Variants in RELN observed in about 807,000 individuals in gnomAD.
RELN encodes reelin.
A neutral mutation model predicts 427.6 loss-of-function variants in RELN; 108 were observed. That is an observed-to-expected ratio of 0.25 (90% confidence interval 0.22 to 0.30). The LOEUF is 0.30. RELN is among the 10% of genes least tolerant of loss of function. The pLI is 1.00. For synonymous variants in RELN, 1,524 were observed against 1,513.4 expected, an observed-to-expected ratio of 1.01 and a Z score of -0.16; for missense variants, 3,715 against 4,302.8, an observed-to-expected ratio of 0.86 and a Z score of 3.82.
intron 6 of RELN, among the ~76,000 whole-genome samples, chr7:103,748,862 C>A (rs1397548214): frequency 6.6e-6 from 1 of 152,112 alleles, no homozygotes; most frequent in East Asian, 1.9e-4. Flanking sequence ...GTCGATAGAC[C>A]TATTTCTTCA....
chr7:103,922,927 A>T (rs1563093248), intron 1 of RELN, among the ~76,000 whole-genome samples: 7 of 150,530 alleles, frequency 4.7e-5, no homozygotes, highest in Non-Finnish European at 7.4e-5. Context: ...TGATGTTCCC[A>T]TTTTTTTTTC....
chr7:103,590,690 T>C (rs562218864), intron 27 of RELN, among the ~76,000 whole-genome samples: 75 of 152,316 alleles, frequency 4.9e-4, no homozygotes, highest in African/African-American at 1.7e-3. Flanking sequence ...ATGAAACTGT[T>C]ACTGTTTGGT....
At chr7:103,930,844 G>A (rs1469923854) in intron 1 of RELN, among the ~76,000 whole-genome samples, 1 of 149,104 alleles carries the variant, frequency 6.7e-6, no homozygotes, top group Non-Finnish European at 1.5e-5. Flanking sequence ...AAGCATTCAA[G>A]TTATGCTTCT....
intron 11 of RELN, among the ~76,000 whole-genome samples, chr7:103,675,527 GA>G (rs1219748045): frequency 6.6e-6 from 1 of 152,040 alleles, no homozygotes; most frequent in African/African-American, 2.4e-5. Context: ...CACAGAATTG[GA>G]AAAAACTACT....
chr7:103,702,707 T>A (rs1348569830), intron 8 of RELN, among the ~76,000 whole-genome samples: 1 of 152,158 alleles, frequency 6.6e-6, no homozygotes, highest in African/African-American at 2.4e-5. Context: ...TCTAAAACAT[T>A]AGTTTTTGTT....
intron 3 of RELN, among the ~76,000 whole-genome samples, chr7:103,812,005 G>A (rs1327172642): frequency 6.6e-6 from 1 of 152,158 alleles, no homozygotes; most frequent in Non-Finnish European, 1.5e-5. Context: ...TTATTCAAAT[G>A]GCTTTGCCTT....
rs201735865 is a variant in RELN, at chr7:103,650,352, C to T, written c.1924G>A (p.Ala642Thr). The T allele has an allele frequency of 1.2e-5, 19 of 1,612,706 alleles. No individual in the cohort carries two copies. The highest frequency in any genetic ancestry group is 1.4e-5 in the Non-Finnish European group (16 of 1,179,092). Residue 642 changes from alanine to threonine, a missense_variant, in exon 16 of 65, where the codon GCA becomes ACA. Physicochemically the swap from Ala to Thr is moderately conservative, Grantham distance 58. Around this residue, in one of 4 missense-constraint regions of RELN, gnomAD observed 2,208 missense variants for 2,361.7 expected, o/e 0.93. Coordinates refer to ENST00000428762, the MANE Select transcript of RELN (RefSeq NM_005045.4). ...ATCCTGGTGTTCCGGGTTAGTGCTG[C>T]GTTAGGAAGGGGAATTGTTATTCGG... ...WNRITIPLPNAALTRNTRIRW... is the reference protein window; with the variant it reads ...WNRITIPLPNTALTRNTRIRW...
intron 10 of RELN, among the ~76,000 whole-genome samples, chr7:103,682,509 A>T (rs574228838): frequency 6.6e-6 from 1 of 152,218 alleles, no homozygotes; most frequent in Non-Finnish European, 1.5e-5. Flanking sequence ...CTCTGTCTTC[A>T]GTATGAAACA....
chr7:103,586,732 C>T (rs999743106), intron 28 of RELN, among the ~76,000 whole-genome samples: 2 of 152,138 alleles, frequency 1.3e-5, no homozygotes, highest in East Asian at 1.9e-4. Context: ...CATTTCTATA[C>T]ACCAGTAACA....
At chr7:103,722,063 T>C (rs979394189) in intron 8 of RELN, among the ~76,000 whole-genome samples, 1 of 152,322 alleles carries the variant, frequency 6.6e-6, no homozygotes, top group Non-Finnish European at 1.5e-5. Context: ...TGATCACACA[T>C]GGACTTCTGA....
chr7:103,861,928 G>C (rs1794079829), intron 2 of RELN, among the ~76,000 whole-genome samples: 1 of 152,078 alleles, frequency 6.6e-6, no homozygotes. Context: ...TTTGGTCTTT[G>C]GAGGATGTTT....
chr7:103,797,479 T>C (rs1792336281), intron 3 of RELN, among the ~76,000 whole-genome samples: 3 of 152,262 alleles, frequency 2.0e-5, no homozygotes, highest in Admixed American at 6.5e-5. Flanking sequence ...AGTTCACAAA[T>C]GCTTTTCACC....
chr7:103,473,276 C>A (rs1827919024), intron 64 of RELN, among the ~76,000 whole-genome samples: 1 of 152,192 alleles, frequency 6.6e-6, no homozygotes, highest in African/African-American at 2.4e-5. Context: ...GCTCTATACC[C>A]ATTGCCTTAT....
chr7:103,940,851 G>A (rs1021772887), intron 1 of RELN, among the ~76,000 whole-genome samples: 1 of 152,148 alleles, frequency 6.6e-6, no homozygotes, highest in African/African-American at 2.4e-5. Context: ...ATAATCTTAT[G>A]AGATATCAGC....
At chr7:103,708,811 A>G (rs572498833) in intron 8 of RELN, among the ~76,000 whole-genome samples, 1 of 152,164 alleles carries the variant, frequency 6.6e-6, no homozygotes, top group East Asian at 1.9e-4. Context: ...CCTCTGTTTA[A>G]TGGTCACGCC....
chr7:103,515,369 A>C lies in RELN; in HGVS notation c.7935T>G (p.His2645Gln). ...ATRFRWWQPR[H>Q]DGLDQNDWAI... ...CCCAGTCGTTCTGATCCAGGCCGTC[A>C]TGTCTTGGCTGCCACCAGCGGAAGC... Residue 2645 changes from histidine (H) to glutamine (Q), a missense_variant, in exon 50 of 65, where the codon CAT becomes CAG. Around this residue, in one of 4 missense-constraint regions of RELN, gnomAD observed 1,310 missense variants for 1,643.0 expected, o/e 0.80. Coordinates refer to ENST00000428762, the MANE Select transcript of RELN (RefSeq NM_005045.4). The C allele has an allele frequency of 6.2e-7, 1 of 1,614,184 alleles. No homozygotes were observed. The highest frequency in any genetic ancestry group is 1.6e-4 in the Middle Eastern group (1 of 6,062).
chr7:103,611,282 G>A (rs1462759087), intron 21 of RELN, among the ~76,000 whole-genome samples: 1 of 152,084 alleles, frequency 6.6e-6, no homozygotes, highest in East Asian at 1.9e-4. Context: ...AGAGACAGAT[G>A]AAGACACATT....
chr7:103,545,216 T>G lies in RELN; in HGVS notation c.6431A>C (p.Asn2144Thr). The G allele has an allele frequency of 6.2e-6, 10 of 1,614,174 alleles. No individual in the cohort carries two copies. The highest frequency in any genetic ancestry group is 7.6e-6 in the Non-Finnish European group (9 of 1,180,016). The change falls in exon 42 of 65, where the codon AAT becomes ACT. Residue 2144 changes from asparagine (N) to threonine (T), a missense_variant. Physicochemically the swap from Asn to Thr is moderately conservative, Grantham distance 65. This residue lies in a region of RELN where 1,310 missense variants were observed against 1,643.0 expected (regional missense o/e 0.80). Transcript: ENST00000428762. ...EMCNGQGSCI[N>T]GTKCICDPGY... ...AGGGTCACATATACATTTGGTTCCA[T>G]TGATACAGCTCCCCTGTCCATTACA...
chr7:103,483,165 A>C (rs1467331728), intron 62 of RELN, among the ~76,000 whole-genome samples, 194 bp from the exon 63 acceptor site: 1 of 152,190 alleles, frequency 6.6e-6, no homozygotes, highest in Non-Finnish European at 1.5e-5. Flanking sequence ...AGGACTTGTA[A>C]AACTTTTCCA....
Sources: gnomAD v4.1 joint callset for allele counts (sites outside exome capture counted in the v4.1 genomes callset) on GRCh38, gnomAD v4.1.1 for gene constraint, gnomAD v4.1.1 regional missense constraint, MANE v1.5 for transcripts, NCBI Gene and HGNC (gene_info 2026-07-23, HGNC 2026-07-21) for gene names.